Variants in SPMIP11 observed in about 807,000 individuals in gnomAD.
SPMIP11 encodes the protein sperm microtubule inner protein 11, also known as long intergenic non-protein coding RNA 935.
chr12:48,747,445 T>G, the SPMIP11 span, among the ~76,000 whole-genome samples: 880 of 152,284 alleles, frequency 5.8e-3, 9 homozygotes, highest in African/African-American at 0.02. Context: ...CTGTAGCAGG[T>G]TACCTCCACC....
chr12:48,765,706 G>A, the SPMIP11 span: 3 of 701,914 alleles, frequency 4.3e-6, no homozygotes, highest in Non-Finnish European at 7.8e-6. Flanking sequence ...AGTGCAGAGG[G>A]GGAAAGAAGG....
the SPMIP11 span, among the ~76,000 whole-genome samples, chr12:48,755,711 A>G: frequency 6.6e-6 from 1 of 152,106 alleles, no homozygotes; most frequent in Non-Finnish European, 1.5e-5. Flanking sequence ...CTACTTGGAC[A>G]TGTTGAGATA....
the SPMIP11 span, among the ~76,000 whole-genome samples, chr12:48,732,497 C>T: frequency 2.9e-4 from 44 of 151,958 alleles, no homozygotes; most frequent in Non-Finnish European, 5.1e-4. Context: ...AGGCCTGGCA[C>T]GGTGGCTCAT....
the SPMIP11 span, among the ~76,000 whole-genome samples, chr12:48,742,281 T>C: frequency 7.5e-6 from 1 of 134,062 alleles, no homozygotes; most frequent in Non-Finnish European, 1.6e-5. Flanking sequence ...TCTTTTCCTT[T>C]TTTTTTTTTT....
At chr12:48,771,038 T>C in the SPMIP11 span, 1 of 1,515,880 alleles carries the variant, frequency 6.6e-7, no homozygotes, top group Non-Finnish European at 9.0e-7. This position sits in a 1 kb window ranked among gnomAD's most constrained non-coding sequence, Gnocchi z 4.3. Context: ...CCAACACTCA[T>C]TTCTTGCCAC....
the SPMIP11 span, among the ~76,000 whole-genome samples, chr12:48,758,049 T>C: frequency 6.6e-6 from 1 of 152,028 alleles, no homozygotes; most frequent in East Asian, 1.9e-4. Flanking sequence ...ATACCTGTAG[T>C]CCCGGCACTT....
the SPMIP11 span, among the ~76,000 whole-genome samples, chr12:48,733,114 G>C: frequency 4.3e-5 from 5 of 115,938 alleles, no homozygotes; most frequent in African/African-American, 1.7e-4. Context: ...TCGCTCTTTC[G>C]CCCAGGCTGG....
the SPMIP11 span, among the ~76,000 whole-genome samples, chr12:48,754,399 G>A: frequency 6.6e-6 from 1 of 152,024 alleles, no homozygotes; most frequent in Non-Finnish European, 1.5e-5. Context: ...TGATTCTCCT[G>A]CCTTGGCCTC....
the SPMIP11 span, among the ~76,000 whole-genome samples, chr12:48,730,019 T>A: frequency 1.3e-5 from 2 of 152,094 alleles, no homozygotes; most frequent in African/African-American, 2.4e-5. Flanking sequence ...ATTTCCCTTT[T>A]TCCAGGCCAA....
the SPMIP11 span, among the ~76,000 whole-genome samples, chr12:48,728,578 G>A: frequency 6.6e-6 from 1 of 152,026 alleles, no homozygotes; most frequent in Non-Finnish European, 1.5e-5. Context: ...CGTGATGGCG[G>A]GCGCCTGTAG....
At chr12:48,771,013 A>G in the SPMIP11 span, 1 of 1,592,360 alleles carries the variant, frequency 6.3e-7, no homozygotes, top group South Asian at 1.1e-5. The surrounding 1 kb of genome is among the most constrained non-coding windows in gnomAD (Gnocchi z 4.3). Flanking sequence ...CAAAGACCCC[A>G]GACCCAGCCC....
At chr12:48,765,622 T>A in the SPMIP11 span, 1 of 703,038 alleles carries the variant, frequency 1.4e-6, no homozygotes, top group African/African-American at 1.7e-5. Flanking sequence ...TGGATCACTC[T>A]ATTCTCAATG....
At chr12:48,757,695 T>C in the SPMIP11 span, among the ~76,000 whole-genome samples, 1 of 147,776 alleles carries the variant, frequency 6.8e-6, no homozygotes, top group Non-Finnish European at 1.5e-5. Context: ...AATAAATATA[T>C]ATATGTATAT....
the SPMIP11 span, chr12:48,765,805 C>CG: frequency 1.4e-5 from 9 of 632,232 alleles, no homozygotes; most frequent in Admixed American, 1.1e-4. Context: ...CTTGTGTGCA[C>CG]GGGGGGAGCT....
At chr12:48,739,627 C>T in the SPMIP11 span, among the ~76,000 whole-genome samples, 1 of 152,032 alleles carries the variant, frequency 6.6e-6, no homozygotes, top group Non-Finnish European at 1.5e-5. Flanking sequence ...AAAGGGGAAG[C>T]AGGCATGTCC....
chr12:48,768,432 C>CAGA, the SPMIP11 span: 3 of 1,040,878 alleles, frequency 2.9e-6, no homozygotes, highest in Non-Finnish European at 4.2e-6. Context: ...AGCTTGAGGG[C>CAGA]AGACGAGCAT....
the SPMIP11 span, among the ~76,000 whole-genome samples, chr12:48,753,658 A>ACTCTG: frequency 2.1e-5 from 3 of 145,552 alleles, no homozygotes; most frequent in Admixed American, 1.4e-4. Context: ...AGCAGAGGGC[A>ACTCTG]CTGTTGTTCT....
At chr12:48,765,165 T>TA in the SPMIP11 span, among the ~76,000 whole-genome samples, 1 of 152,146 alleles carries the variant, frequency 6.6e-6, no homozygotes, top group East Asian at 1.9e-4. Flanking sequence ...TCAAAGGAGT[T>TA]AGAGATTTGT....
the SPMIP11 span, among the ~76,000 whole-genome samples, chr12:48,736,560 T>C: frequency 2.6e-5 from 4 of 152,276 alleles, no homozygotes; most frequent in Admixed American, 2.6e-4. Flanking sequence ...CACAGCAATC[T>C]GTCAGTTCCA....
Sources: gnomAD v4.1 joint callset for allele counts (sites outside exome capture counted in the v4.1 genomes callset) on GRCh38, gnomAD v4.1.1 for gene constraint, Gnocchi (gnomAD v3.1) non-coding constraint, MANE v1.5 for transcripts, NCBI Gene and HGNC (gene_info 2026-07-23, HGNC 2026-07-21) for gene names.